GALNT1: variants seen among roughly 807,000 people sequenced by gnomAD.
The protein encoded by GALNT1 is GalNAc transferase 1.
A neutral mutation model predicts 65.7 loss-of-function variants in GALNT1; 17 were observed. The ratio of observed to expected loss-of-function variants is 0.26; its 90% confidence interval spans 0.18 to 0.39. The LOEUF is 0.39. Among genes scored for constraint, GALNT1 ranks in the 10% least tolerant of loss-of-function variants. The probability of loss-of-function intolerance (pLI) is 1.00; values close to 1 mark genes in which losing one functional copy is unlikely to be tolerated. For synonymous variants in GALNT1, 210 were observed against 219.7 expected, an observed-to-expected ratio of 0.96 and a Z score of 0.39; for missense variants, 460 against 672.8, an observed-to-expected ratio of 0.68 and a Z score of 3.50.
intron 1 of GALNT1, among the ~76,000 whole-genome samples, chr18:35,603,874 T>A (rs1333577044): frequency 6.6e-6 from 1 of 152,200 alleles, no homozygotes; most frequent in African/African-American, 2.4e-5. Context: ...TCCCAACTGA[T>A]GTAGTAATGC....
At chr18:35,660,651 A>G (rs935938891) in intron 2 of GALNT1, among the ~76,000 whole-genome samples, 2 of 152,210 alleles carry the variant, frequency 1.3e-5, no homozygotes, top group Non-Finnish European at 2.9e-5. Flanking sequence ...CTGGCAGTAG[A>G]GAACATGGAA....
Position 35,710,136 on chromosome 18 carries a change from C to T in GALNT1, c.*366C>T, listed in dbSNP as rs75272165. The T allele has an allele frequency of 8.3e-3, 1,402 of 167,970 alleles. 22 individuals are homozygous for T. The highest frequency in any genetic ancestry group is 0.03 in the African/African-American group (1,246 of 42,130). 10.4% of individuals were successfully genotyped at this position (167,970 alleles called of 1,614,324 possible). A position where few individuals can be genotyped will look rare whatever the true frequency, so the allele number is the denominator to read the frequency against. On this transcript the variant is annotated 3_prime_UTR_variant, in exon 12 of 12. Coordinates refer to ENST00000269195, the MANE Select transcript of GALNT1 (RefSeq NM_020474.4). ...TTGCACATCAGTAGTTTCTGCTGAA[C>T]GTGCTGTCATAATGAAGAGATTTCC...
chr18:35,671,112 T>G (rs1292768892), intron 3 of GALNT1, among the ~76,000 whole-genome samples: 2 of 152,208 alleles, frequency 1.3e-5, no homozygotes, highest in African/African-American at 4.8e-5. Context: ...GACTTTTTTT[T>G]TCTTTTAAAT....
At chr18:35,690,437 A>G (rs1420943660) in intron 7 of GALNT1, among the ~76,000 whole-genome samples, 1 of 152,158 alleles carries the variant, frequency 6.6e-6, no homozygotes, top group Non-Finnish European at 1.5e-5. Flanking sequence ...TAAATACATT[A>G]TACATTCTGC....
upstream of GALNT1, chr18:35,581,412 A>C (rs1260238298): frequency 1.4e-5 from 2 of 147,238 alleles, no homozygotes; most frequent in East Asian, 4.1e-4. Context: ...GGCTCGCCGC[A>C]GCGGAGGGGG....
intron 1 of GALNT1, among the ~76,000 whole-genome samples, chr18:35,646,923 A>G (rs896000245): frequency 5.3e-5 from 8 of 151,976 alleles, no homozygotes; most frequent in Non-Finnish European, 8.8e-5. Flanking sequence ...GTTTCTTCCC[A>G]TCTTCTCCTC....
intron 1 of GALNT1, among the ~76,000 whole-genome samples, chr18:35,613,150 A>G (rs2046739238): frequency 1.3e-5 from 2 of 152,002 alleles, no homozygotes; most frequent in Admixed American, 6.6e-5. Flanking sequence ...CCTGTCTCCT[A>G]CTCTGCTCCT....
intron 9 of GALNT1, among the ~76,000 whole-genome samples, chr18:35,701,594 G>T (rs1568036820): frequency 6.6e-6 from 1 of 152,138 alleles, no homozygotes; most frequent in African/African-American, 2.4e-5. Context: ...AACATATAAT[G>T]TATTGGACCC....
intron 9 of GALNT1, among the ~76,000 whole-genome samples, chr18:35,693,559 G>A (rs991185855): frequency 6.6e-6 from 1 of 152,214 alleles, no homozygotes; most frequent in Non-Finnish European, 1.5e-5. Flanking sequence ...TAGAGCTGGT[G>A]TATTGTTGAA....
At chr18:35,592,509 T>C (rs928948303) in intron 1 of GALNT1, among the ~76,000 whole-genome samples, 1 of 151,912 alleles carries the variant, frequency 6.6e-6, no homozygotes, top group African/African-American at 2.4e-5. Context: ...GGGCCATTGG[T>C]GCAAGGGATG....
At chr18:35,610,556 AT>A (rs562961429) in intron 1 of GALNT1, among the ~76,000 whole-genome samples, 2 of 152,082 alleles carry the variant, frequency 1.3e-5, no homozygotes, top group Non-Finnish European at 2.9e-5. Context: ...ATATAAGTGG[AT>A]TTTTTTATTA....
chr18:35,603,656 G>A lies in GALNT1; in HGVS notation c.-104+21794G>A, dbSNP rs374443497. Among the ~76,000 whole-genome samples, 7 of 152,240 alleles carry A rather than the reference G, an allele frequency of 4.6e-5. No homozygotes were observed. In the South Asian group the frequency reaches 8.3e-4, roughly 18 times the overall value. On this transcript the variant is annotated intron_variant, in intron 1 of 11. Coordinates refer to ENST00000269195, the MANE Select transcript of GALNT1 (RefSeq NM_020474.4). ...AGATTAGGAAACCCTGGCTGTCCTC[G>A]TAGTGGCATGTGATTATCTCCCAAT...
intron 8 of GALNT1, among the ~76,000 whole-genome samples, chr18:35,691,648 GTA>G (rs746341115): frequency 5.9e-5 from 9 of 152,156 alleles, no homozygotes; most frequent in Admixed American, 2.6e-4. Context: ...CTTTCGTCAA[GTA>G]TCACAAGGCC....
chr18:35,653,327 C>T (rs888254927), intron 1 of GALNT1, among the ~76,000 whole-genome samples: 2 of 152,158 alleles, frequency 1.3e-5, no homozygotes, highest in African/African-American at 4.8e-5. Flanking sequence ...TCTCTAGCAA[C>T]CTTGTGAAGT....
chr18:35,698,794 T>C (rs976818636), intron 9 of GALNT1, among the ~76,000 whole-genome samples: 1 of 151,916 alleles, frequency 6.6e-6, no homozygotes, highest in Non-Finnish European at 1.5e-5. Flanking sequence ...CTGGCCAAGA[T>C]GGTGAAATCC....
chr18:35,588,280 T>C (rs1051921712), intron 1 of GALNT1, among the ~76,000 whole-genome samples: 1 of 152,198 alleles, frequency 6.6e-6, no homozygotes, highest in African/African-American at 2.4e-5. Context: ...GCTTCCATGG[T>C]TTCTGAGGAG....
At chr18:35,686,168 T>C (rs1390492956) in intron 5 of GALNT1, among the ~76,000 whole-genome samples, 1 of 152,186 alleles carries the variant, frequency 6.6e-6, no homozygotes, top group African/African-American at 2.4e-5. Flanking sequence ...ATGGCAGTCA[T>C]AGACTACACA....
chr18:35,684,674 T>TA (rs1204021810), intron 5 of GALNT1, among the ~76,000 whole-genome samples: 1 of 152,120 alleles, frequency 6.6e-6, no homozygotes, highest in Non-Finnish European at 1.5e-5. Context: ...AAAAGCTGGA[T>TA]AAAAGACAAA....
intron 9 of GALNT1, among the ~76,000 whole-genome samples, chr18:35,697,975 T>C (rs2048087642): frequency 6.6e-6 from 1 of 152,208 alleles, no homozygotes; most frequent in African/African-American, 2.4e-5. Flanking sequence ...ATTTACACTG[T>C]TTCAGAAAGT....
Sources: allele counts gnomAD v4.1 joint callset (sites outside exome capture counted in the v4.1 genomes callset), GRCh38; gene constraint gnomAD v4.1.1; transcripts MANE v1.5; gene names NCBI Gene and HGNC (gene_info 2026-07-23, HGNC 2026-07-21).